Variants in CHRDL1 observed in about 807,000 individuals in gnomAD.
CHRDL1 encodes the protein chordin-like protein 1.
In CHRDL1, 19 loss-of-function variants were observed where a neutral mutation model predicts 40.9. The observed-to-expected ratio is 0.46, with a 90% CI of 0.32 to 0.68. The LOEUF (loss-of-function observed/expected upper bound fraction) is 0.68. Among genes scored for constraint, CHRDL1 ranks in the 30% least tolerant of loss-of-function variants. The probability of loss-of-function intolerance (pLI) is 0.03; values close to 1 mark genes in which losing one functional copy is unlikely to be tolerated. For missense variants in CHRDL1, 329 were observed against 352.1 expected, an observed-to-expected ratio of 0.93 and a Z score of 0.53; for synonymous variants, 136 against 123.4, an observed-to-expected ratio of 1.10 and a Z score of -0.68.
intron 6 of CHRDL1, among the ~76,000 whole-genome samples, chrX:110,701,967 A>G (rs922785315): frequency 1.4e-4 from 16 of 112,335 alleles, no homozygotes; most frequent in Non-Finnish European, 1.1e-4. Context: ...CTTATAACAG[A>G]GTATGACTGT....
intron 6 of CHRDL1, among the ~76,000 whole-genome samples, chrX:110,716,417 T>C (rs1005941438): frequency 1.0e-4 from 11 of 110,449 alleles, no homozygotes; most frequent in African/African-American, 3.6e-4. Flanking sequence ...AAAAAGAGTA[T>C]CTGTCTTGAA....
At chrX:110,786,142 A>G (rs2090014118) in intron 2 of CHRDL1, among the ~76,000 whole-genome samples, 1 of 111,611 alleles carries the variant, frequency 9.0e-6, no homozygotes, top group Non-Finnish European at 1.9e-5. Context: ...GAAACTGTAA[A>G]TTTTCTCTTG....
intron 9 of CHRDL1, among the ~76,000 whole-genome samples, chrX:110,687,691 C>T (rs1162436972): frequency 9.0e-6 from 1 of 111,598 alleles, no homozygotes; most frequent in East Asian, 2.8e-4. Context: ...TACTCTAACC[C>T]TCTCATTCTG....
chrX:110,784,579 A>T (rs1250897728), intron 2 of CHRDL1, among the ~76,000 whole-genome samples: 2 of 109,999 alleles, frequency 1.8e-5, no homozygotes, highest in Non-Finnish European at 1.9e-5. Flanking sequence ...GCCCACCTAA[A>T]TTTTTTGTAT....
intron 6 of CHRDL1, among the ~76,000 whole-genome samples, chrX:110,708,375 G>C (rs1256465758): frequency 9.0e-6 from 1 of 110,708 alleles, no homozygotes; most frequent in East Asian, 2.8e-4. Flanking sequence ...ACAATAGCAA[G>C]ACTTGGAACC....
chrX:110,717,908 C>T (rs960355563), intron 6 of CHRDL1, among the ~76,000 whole-genome samples: 4 of 111,892 alleles, frequency 3.6e-5, no homozygotes, highest in Non-Finnish European at 7.5e-5. Flanking sequence ...ATTGGAATCA[C>T]ATCCTCCTCC....
intron 2 of CHRDL1, among the ~76,000 whole-genome samples, chrX:110,773,588 C>T (rs763159852): frequency 1.8e-5 from 2 of 109,035 alleles, no homozygotes; most frequent in Admixed American, 2.0e-4. Flanking sequence ...ATTAGCTGGG[C>T]GTGGTGGCAG....
At chrX:110,699,843 T>C (rs2070475203) in intron 7 of CHRDL1, among the ~76,000 whole-genome samples, 1 of 112,512 alleles carries the variant, frequency 8.9e-6, no homozygotes, top group South Asian at 3.7e-4. Flanking sequence ...TTGTCTCCAT[T>C]TGTTTTGTTT....
chrX:110,677,322 A>G (rs1340846450), intron 11 of CHRDL1, among the ~76,000 whole-genome samples: 1 of 111,520 alleles, frequency 9.0e-6, no homozygotes, highest in African/African-American at 3.3e-5. Context: ...TTGGGCAAGG[A>G]ACCAGCTATT....
At chrX:110,768,780 G>A (rs778584404) in intron 2 of CHRDL1, among the ~76,000 whole-genome samples, 29 of 111,031 alleles carry the variant, frequency 2.6e-4, no homozygotes, top group Middle Eastern at 4.6e-3. Context: ...TTGGGGCTCA[G>A]ACTGAGCCAC....
At chrX:110,694,974 G>C (rs1014859237) in intron 7 of CHRDL1, among the ~76,000 whole-genome samples, 3 of 111,544 alleles carry the variant, frequency 2.7e-5, no homozygotes, top group Non-Finnish European at 5.6e-5. Context: ...AGGCTAAGGG[G>C]TGAAGACTTT....
chrX:110,743,893 G>A (rs1267863691), intron 4 of CHRDL1, among the ~76,000 whole-genome samples: 2 of 111,028 alleles, frequency 1.8e-5, no homozygotes, highest in East Asian at 2.8e-4. Flanking sequence ...GTGGTGAGGC[G>A]GGTAGGCAGA....
intron 4 of CHRDL1, among the ~76,000 whole-genome samples, chrX:110,722,438 C>CA (rs776459205): frequency 1.5e-4 from 16 of 109,892 alleles, no homozygotes; most frequent in Admixed American, 3.9e-4. Context: ...CTTGAAGGTT[C>CA]AGCTTATGCC....
intron 4 of CHRDL1, among the ~76,000 whole-genome samples, chrX:110,731,378 T>G (rs2071157535): frequency 9.0e-6 from 1 of 110,754 alleles, no homozygotes; most frequent in African/African-American, 3.3e-5. Flanking sequence ...ACAGTGCTGG[T>G]GAGAATGTAA....
intron 9 of CHRDL1, among the ~76,000 whole-genome samples, chrX:110,684,622 T>C (rs1224947345): frequency 8.9e-6 from 1 of 112,895 alleles, no homozygotes; most frequent in Non-Finnish European, 1.9e-5. Flanking sequence ...CTTTCTTTTC[T>C]GCTAGAATGT....
chrX:110,707,916 A>G (rs1323433367), intron 6 of CHRDL1, among the ~76,000 whole-genome samples: 1 of 111,980 alleles, frequency 8.9e-6, no homozygotes, highest in Non-Finnish European at 1.9e-5. Context: ...GCTAATATCC[A>G]GAACCTACAA....
chrX:110,712,689 C>T lies in CHRDL1; in HGVS notation c.541+7146G>A, dbSNP rs750183791. 4.7e-5 allele frequency among the ~76,000 whole-genome samples: 5 copies of T among 105,473 alleles called. 1 individual carries two copies. Among genetic ancestry groups the T allele is most frequent in the Admixed American group, 3.0e-4 (3 of 9,883 alleles). 91.6% of individuals were successfully genotyped at this position (105,473 alleles called of 115,157 possible). A position where few individuals can be genotyped will look rare whatever the true frequency, so the allele number is the denominator to read the frequency against. ...TTTGAGACCAACCTGGGCAACATAG[C>T]GAGACCATGTCTCTAAAAAAAAAAA... is the stretch of plus-strand genomic sequence containing the variant. On this transcript the variant is annotated intron_variant, in intron 6 of 11. Transcript: ENST00000372042.
intron 6 of CHRDL1, among the ~76,000 whole-genome samples, chrX:110,710,333 G>C (rs1192282160): frequency 8.9e-6 from 1 of 111,961 alleles, no homozygotes; most frequent in African/African-American, 3.3e-5. Flanking sequence ...AAAGAATAAG[G>C]TTGAAGAAAG....
chrX:110,682,101 G>A (rs1395553154), intron 9 of CHRDL1, among the ~76,000 whole-genome samples: 1 of 112,178 alleles, frequency 8.9e-6, no homozygotes, highest in Non-Finnish European at 1.9e-5. Flanking sequence ...AAGGGCCTTG[G>A]TTAACATCCC....
Sources: gnomAD v4.1 joint callset for allele counts (sites outside exome capture counted in the v4.1 genomes callset) on GRCh38, gnomAD v4.1.1 for gene constraint, MANE v1.5 for transcripts, NCBI Gene and HGNC (gene_info 2026-07-23, HGNC 2026-07-21) for gene names.